BOLL: variants seen among roughly 807,000 people sequenced by gnomAD.
BOLL encodes the protein protein boule-like.
In BOLL, 23 loss-of-function variants were observed where a neutral mutation model predicts 44.4. That is an observed-to-expected ratio of 0.52 (90% CI 0.37 to 0.73). The LOEUF is 0.73. Among genes scored for constraint, BOLL ranks in the 30% least tolerant of loss-of-function variants. The pLI is 0.00. For missense variants in BOLL, 287 were observed against 338.3 expected, an observed-to-expected ratio of 0.85 and a Z score of 1.19; for synonymous variants, 97 against 110.8, an observed-to-expected ratio of 0.88 and a Z score of 0.78.
At chr2:197,735,417 A>C (rs764052253) in intron 10 of BOLL, among the ~76,000 whole-genome samples, 28 of 152,222 alleles carry the variant, frequency 1.8e-4, no homozygotes, top group South Asian at 1.7e-3. Flanking sequence ...ATCTAATTTT[A>C]TCTTTTCTCT....
At chr2:197,745,707 C>A (rs1213472243) in intron 9 of BOLL, among the ~76,000 whole-genome samples, 1 of 152,162 alleles carries the variant, frequency 6.6e-6, no homozygotes, top group Non-Finnish European at 1.5e-5. Flanking sequence ...ACTCCCAAAC[C>A]ATACACAATG....
chr2:197,783,269 A>G (rs1238205205), intron 1 of BOLL, among the ~76,000 whole-genome samples: 2 of 152,236 alleles, frequency 1.3e-5, no homozygotes, highest in Non-Finnish European at 2.9e-5. Flanking sequence ...AGCCTGGGCA[A>G]CAAAGAAAGA....
chr2:197,775,647 T>G lies in BOLL; in HGVS notation c.352+18A>C. 1 of 1,440,450 alleles carries G rather than the reference T, an allele frequency of 6.9e-7. No individual in the cohort carries two copies. The highest frequency in any genetic ancestry group is 9.5e-7 in the Non-Finnish European group (1 of 1,056,084). 89.2% of individuals were successfully genotyped at this position (1,440,450 alleles called of 1,614,324 possible). The stretch of plus-strand genomic sequence containing the variant: ...CCATGCAAAAATATTTAAAAATACA[T>G]TAGTTCTCAATACATACGAGGGATC... On this transcript the variant is annotated intron_variant, in intron 5 of 10. Transcript: ENST00000392296.
intron 10 of BOLL, among the ~76,000 whole-genome samples, chr2:197,736,977 A>G (rs1202890584): frequency 2.0e-5 from 3 of 151,786 alleles, no homozygotes; most frequent in African/African-American, 4.8e-5. Context: ...GAAGGATTTC[A>G]TTTTCTTTTG....
chr2:197,737,248 A>AT (rs1238163338), intron 10 of BOLL, among the ~76,000 whole-genome samples: 2 of 151,830 alleles, frequency 1.3e-5, no homozygotes, highest in African/African-American at 4.8e-5. Flanking sequence ...GCCATATTCA[A>AT]TTTTTTTTCA....
rs574117932 is a variant in BOLL, at chr2:197,734,746, G to A, written c.829-6168C>T. On this transcript the variant is annotated intron_variant, in intron 10 of 10. Transcript: ENST00000392296. ...ACACCGCATGTTCTCACTCATAGGT[G>A]GGAATTGAACAATGAGAAAACTTGG... Among the ~76,000 whole-genome samples, 4 of 152,224 alleles carry A rather than the reference G, an allele frequency of 2.6e-5. No homozygotes were observed. In the East Asian group the frequency reaches 7.7e-4, roughly 29 times the overall value.
chr2:197,772,689 C>CA (rs1292607823), intron 5 of BOLL, among the ~76,000 whole-genome samples: 3 of 151,666 alleles, frequency 2.0e-5, no homozygotes, highest in Non-Finnish European at 4.4e-5. Context: ...CACCACAAAC[C>CA]AAAAAACAGT....
At chr2:197,743,191 C>A (rs755418185) in intron 9 of BOLL, 32 bp from the exon 10 acceptor site, 25 of 1,460,100 alleles carry the variant, frequency 1.7e-5, no homozygotes, top group Non-Finnish European at 2.2e-5. Context: ...AAAATGTCAC[C>A]TTTCATCTAT....
chr2:197,765,619 A>G (rs1349065597), intron 7 of BOLL, among the ~76,000 whole-genome samples: 4 of 152,010 alleles, frequency 2.6e-5, no homozygotes, highest in Non-Finnish European at 5.9e-5. Context: ...CAATGAAAAA[A>G]AATTAAAAAA....
chr2:197,753,535 A>G (rs1313190491), intron 9 of BOLL, among the ~76,000 whole-genome samples: 1 of 152,244 alleles, frequency 6.6e-6, no homozygotes, highest in Non-Finnish European at 1.5e-5. Flanking sequence ...ATATGAAAAA[A>G]AGCTCATCAT....
In BOLL at chr2:197,728,203, A is replaced by AT. The variant is rs1686934699; in HGVS notation, c.*351dup. The stretch of plus-strand genomic sequence containing the variant: ...ATGAAACATAACATCTAATTGTTTG[A>AT]TAAGAAAAAATAACACAAAGCAGAG... On this transcript the variant is annotated 3_prime_UTR_variant, in exon 11 of 11. Transcript: ENST00000392296. 2.6e-6 allele frequency: 1 copy of AT among 383,888 alleles called. No individual in the cohort carries two copies. The highest frequency in any genetic ancestry group is 4.6e-6 in the Non-Finnish European group (1 of 216,878). The allele number at this position is 383,888 out of a possible 1,614,324, so 23.8% of individuals were successfully genotyped here.
intron 9 of BOLL, among the ~76,000 whole-genome samples, chr2:197,748,429 G>A (rs1298469540): frequency 6.6e-6 from 1 of 152,210 alleles, no homozygotes; most frequent in Admixed American, 6.5e-5. Context: ...GGAGCCAAGT[G>A]GTCTTGCTCA....
At chr2:197,756,850 G>T (rs1688538209) in intron 8 of BOLL, among the ~76,000 whole-genome samples, 4 of 152,158 alleles carry the variant, frequency 2.6e-5, no homozygotes, top group Middle Eastern at 6.8e-3. Flanking sequence ...ACCAGTAAAG[G>T]TTGTGATAAT....
At chr2:197,752,560 C>T (rs989395744) in intron 9 of BOLL, among the ~76,000 whole-genome samples, 18 of 152,218 alleles carry the variant, frequency 1.2e-4, no homozygotes, top group African/African-American at 4.1e-4. Flanking sequence ...ACAATTGCTA[C>T]AAAGAGAATA....
At chr2:197,739,474 G>A (rs747343273) in intron 10 of BOLL, among the ~76,000 whole-genome samples, 32 of 151,976 alleles carry the variant, frequency 2.1e-4, no homozygotes, top group Non-Finnish European at 3.8e-4. Context: ...TAGCACTATA[G>A]GGGTGCACCA....
chr2:197,781,016 AT>A (rs1461413051), intron 2 of BOLL, among the ~76,000 whole-genome samples: 1 of 152,042 alleles, frequency 6.6e-6, no homozygotes, highest in Non-Finnish European at 1.5e-5. Context: ...CATGATATAA[AT>A]ATATTAGTTT....
At chr2:197,775,410 GA>G (rs1263882245) in intron 5 of BOLL, among the ~76,000 whole-genome samples, 1 of 151,606 alleles carries the variant, frequency 6.6e-6, no homozygotes, top group South Asian at 2.1e-4. Flanking sequence ...CATCACGAAA[GA>G]TTTTTTTTCC....
chr2:197,779,178 G>T, intron 2 of BOLL, 112 bp from the exon 3 acceptor site: 1 of 728,970 alleles, frequency 1.4e-6, no homozygotes, highest in Non-Finnish European at 2.2e-6. Flanking sequence ...CATGAAAAAT[G>T]CCTCTCATCA....
rs1689649562 is a variant in BOLL, at chr2:197,779,075, A to G, written c.130-9T>C. The G allele has an allele frequency of 6.3e-7, 1 of 1,585,178 alleles. No homozygotes were observed. The highest frequency in any genetic ancestry group is 8.6e-7 in the Non-Finnish European group (1 of 1,159,826). On this transcript the variant is annotated splice_polypyrimidine_tract_variant and intron_variant, in intron 2 of 10. Transcript: ENST00000392296. ...AAATCACTTTCGTTTGTCTAATGGCATAAAAAGAAAACGTTAAAAAGCATT... is the reference window on the plus strand; with the variant it reads ...AAATCACTTTCGTTTGTCTAATGGCGTAAAAAGAAAACGTTAAAAAGCATT...
Sources: allele counts gnomAD v4.1 joint callset (sites outside exome capture counted in the v4.1 genomes callset), GRCh38; gene constraint gnomAD v4.1.1; transcripts MANE v1.5; gene names NCBI Gene and HGNC (gene_info 2026-07-23, HGNC 2026-07-21).